The following ADCY2 variants were observed in gnomAD, a reference collection of about 807,000 sequenced individuals.
ADCY2 encodes the protein adenylate cyclase 2.
In ADCY2, 31 loss-of-function variants were observed where a neutral mutation model predicts 125.2. The ratio of observed to expected loss-of-function variants is 0.25; its 90% confidence interval spans 0.19 to 0.33. The LOEUF (loss-of-function observed/expected upper bound fraction) is 0.33. Ranked by LOEUF, ADCY2 falls within the 10% of genes least tolerant of loss-of-function variation. The pLI, the probability that ADCY2 is intolerant of heterozygous loss-of-function variation, is 1.00. For synonymous variants in ADCY2, 512 were observed against 548.4 expected (o/e 0.93, Z 0.93); for missense variants, 904 against 1,418.2 (o/e 0.64, Z 5.82).
In ADCY2 at chr5:7,766,576, C is replaced by T. The variant is rs922574334; in HGVS notation, c.2095-111C>T. ...ATAGAAATTCCCGAGTCCACATAAA[C>T]AATCCTGTTTACTGTGCATAAGGAA... On this transcript the variant is annotated intron_variant, in intron 16 of 24. Transcript: ENST00000338316. 4.6e-6 allele frequency: 5 copies of T among 1,084,834 alleles called. No individual in the cohort carries two copies. In the African/African-American group the frequency reaches 6.5e-5, roughly 14 times the overall value. The allele number at this position is 1,084,834 out of a possible 1,614,324, so 67.2% of individuals were successfully genotyped here.
intron 3 of ADCY2, among the ~76,000 whole-genome samples, chr5:7,547,364 A>G (rs1735178384): frequency 2.0e-5 from 3 of 152,206 alleles, no homozygotes; most frequent in Admixed American, 1.3e-4. Flanking sequence ...ATTGAGCACC[A>G]GGCCTGGGTG....
In ADCY2 at chr5:7,589,496, AAG is replaced by A. The variant is rs374412895; in HGVS notation, c.571-36669_571-36668del. ...AAAGAAAGAAAGAAAGAAAGAAAGAAAGAAAGAAAGAAAGAAAAGAAAAGAAA... is the reference window on the plus strand; with the variant it reads ...AAAGAAAGAAAGAAAGAAAGAAAGAAAAAGAAAGAAAGAAAAGAAAAGAAA... On this transcript the variant is annotated intron_variant, in intron 3 of 24. Coordinates refer to ENST00000338316, the MANE Select transcript of ADCY2 (RefSeq NM_020546.3). 2.3e-3 allele frequency among the ~76,000 whole-genome samples: 114 copies of A among 50,284 alleles called. No individual in the cohort carries two copies. In the East Asian group the frequency reaches 0.041, roughly 18 times the overall value. The allele number at this position is 50,284 out of a possible 152,430, so 33.0% of individuals were successfully genotyped here. A position where few individuals can be genotyped will look rare whatever the true frequency, so the allele number is the denominator to read the frequency against.
At chr5:7,452,715 C>G (rs746667835) in intron 2 of ADCY2, among the ~76,000 whole-genome samples, 2 of 152,202 alleles carry the variant, frequency 1.3e-5, no homozygotes, top group Non-Finnish European at 2.9e-5. Context: ...ATATTCCCAT[C>G]AGCAGTGAAT....
intron 2 of ADCY2, among the ~76,000 whole-genome samples, chr5:7,497,624 T>C (rs1444340562): frequency 6.6e-6 from 1 of 151,978 alleles, no homozygotes; most frequent in African/African-American, 2.4e-5. Flanking sequence ...GAGAGAGAAA[T>C]TAGCAAGCAC....
At chr5:7,404,317 T>C (rs965992954) in intron 1 of ADCY2, among the ~76,000 whole-genome samples, 1 of 152,222 alleles carries the variant, frequency 6.6e-6, no homozygotes, top group African/African-American at 2.4e-5. Context: ...TATCCATTAC[T>C]TCTTTTGTGT....
chr5:7,442,477 CTGG>C (rs1741050840), intron 2 of ADCY2, among the ~76,000 whole-genome samples: 1 of 152,078 alleles, frequency 6.6e-6, no homozygotes. Flanking sequence ...AAATGCTACC[CTGG>C]TGGTGTGTGT....
chr5:7,570,254 G>A (rs913127774), intron 3 of ADCY2, among the ~76,000 whole-genome samples: 4 of 152,086 alleles, frequency 2.6e-5, no homozygotes, highest in Non-Finnish European at 5.9e-5. Context: ...GCCACTGGTT[G>A]GTGCCTTGAC....
chr5:7,698,712 T>A (rs904871241), intron 7 of ADCY2, among the ~76,000 whole-genome samples: 5 of 152,248 alleles, frequency 3.3e-5, no homozygotes, highest in African/African-American at 1.2e-4. Flanking sequence ...GCCAAGGGCA[T>A]GAACTCATCG....
intron 2 of ADCY2, among the ~76,000 whole-genome samples, chr5:7,457,401 C>G (rs1741720786): frequency 6.6e-6 from 1 of 152,140 alleles, no homozygotes; most frequent in Non-Finnish European, 1.5e-5. Flanking sequence ...GCTGCAGAGC[C>G]TGGTCTGTCC....
At chr5:7,412,569 T>C (rs1430842151) in intron 1 of ADCY2, among the ~76,000 whole-genome samples, 1 of 152,248 alleles carries the variant, frequency 6.6e-6, no homozygotes, top group African/African-American at 2.4e-5. Context: ...AAACTGTGTC[T>C]GAGGGTAAGA....
intron 22 of ADCY2, among the ~76,000 whole-genome samples, chr5:7,807,567 T>C (rs1364791636): frequency 1.3e-5 from 2 of 152,146 alleles, no homozygotes; most frequent in Non-Finnish European, 2.9e-5. Context: ...GTGTGGGACA[T>C]TGTAATATTC....
intron 13 of ADCY2, among the ~76,000 whole-genome samples, chr5:7,725,876 T>G (rs1741914041): frequency 6.6e-6 from 1 of 152,214 alleles, no homozygotes; most frequent in Non-Finnish European, 1.5e-5. Flanking sequence ...AAGTGATCAT[T>G]TAAAAATGCA....
chr5:7,439,915 CG>C (rs1383455428), intron 2 of ADCY2, among the ~76,000 whole-genome samples: 1 of 11,036 alleles, frequency 9.1e-5, no homozygotes, highest in Non-Finnish European at 3.9e-4. Flanking sequence ...TGAAGAATTC[CG>C]GGGGTGAGAG....
chr5:7,664,257 CAT>C (rs983492662), intron 4 of ADCY2, among the ~76,000 whole-genome samples: 13 of 152,098 alleles, frequency 8.5e-5, no homozygotes, highest in Non-Finnish European at 1.0e-4. Context: ...ATGTGAAAAA[CAT>C]GTGATTTTTT....
chr5:7,536,599 A>G (rs2126554025), intron 3 of ADCY2, among the ~76,000 whole-genome samples: 1 of 152,316 alleles, frequency 6.6e-6, no homozygotes, highest in East Asian at 1.9e-4. Flanking sequence ...TTAGTTTCCC[A>G]ACATTTTTAG....
intron 3 of ADCY2, among the ~76,000 whole-genome samples, chr5:7,620,647 A>G (rs1260825734): frequency 6.6e-6 from 1 of 152,192 alleles, no homozygotes; most frequent in African/African-American, 2.4e-5. Flanking sequence ...AGTTAAGGAA[A>G]ACTGTACCTG....
At chr5:7,684,966 A>G (rs1025296) in intron 4 of ADCY2, 67,449 of 152,038 alleles carry the variant, frequency 0.44, 15,684 homozygotes, top group East Asian at 0.83. Context: ...GCTGTGAAAG[A>G]AGCAGGCTGA....
intron 4 of ADCY2, among the ~76,000 whole-genome samples, chr5:7,668,627 G>A (rs922885995): frequency 2.0e-5 from 3 of 152,288 alleles, no homozygotes; most frequent in African/African-American, 7.2e-5. Flanking sequence ...ATATAAATAT[G>A]TTTATGTGGG....
Position 7,416,500 on chromosome 5 carries a change from C to A in ADCY2, c.408+1730C>A, listed in dbSNP as rs1739952585. ...ACTCAATTAGAAATCCTGGCTAATA[C>A]AATTAGACAAAATACTACATAACAA... On this transcript the variant is annotated intron_variant, in intron 2 of 24. Coordinates refer to ENST00000338316, the MANE Select transcript of ADCY2 (RefSeq NM_020546.3). Among the ~76,000 whole-genome samples the A allele has an allele frequency of 2.0e-5, 3 of 152,102 alleles. No homozygotes were observed. In the South Asian group the frequency reaches 6.2e-4, roughly 32 times the overall value.
Sources: gnomAD v4.1 joint callset for allele counts (sites outside exome capture counted in the v4.1 genomes callset) on GRCh38, gnomAD v4.1.1 for gene constraint, MANE v1.5 for transcripts, NCBI Gene and HGNC (gene_info 2026-07-23, HGNC 2026-07-21) for gene names.